Variants in AMOTL2 observed in about 807,000 individuals in gnomAD.
AMOTL2 encodes the protein angiomotin-like protein 2.
A neutral mutation model predicts 78.4 loss-of-function variants in AMOTL2; 33 were observed. The ratio of observed to expected loss-of-function variants is 0.42; its 90% CI spans 0.32 to 0.56. AMOTL2 has a LOEUF of 0.56. Ranked by LOEUF, AMOTL2 falls within the 20% of genes least tolerant of loss-of-function variation. AMOTL2 has a pLI of 0.12. For synonymous variants in AMOTL2, 422 were observed against 428.8 expected, an observed-to-expected ratio of 0.98 and a Z score of 0.20; for missense variants, 983 against 1,030.1, an observed-to-expected ratio of 0.95 and a Z score of 0.63.
Position 134,367,674 on chromosome 3 carries a change from G to A in AMOTL2, c.864C>T (p.Leu288=). The A allele has an allele frequency of 6.2e-7, 1 of 1,613,480 alleles. No homozygotes were observed. The highest frequency in any genetic ancestry group is 8.5e-7 in the Non-Finnish European group (1 of 1,180,032). The change falls in exon 3 of 10, where the codon CTC becomes CTT. Residue 288 remains leucine (L), a synonymous_variant. Transcript: ENST00000249883. ...CTGGCCCCTCCACAGCAGGTGGACT[G>A]AGGGAGCTCAGGGGGCCATGGCCGA... ...AALGHGPLSS[L]SPPAVEGPVS...
rs139202377 is a variant in AMOTL2, at chr3:134,365,818, C to G, written c.1278G>C (p.Gln426His). Residue 426 changes from glutamine (Q) to histidine (H), a missense_variant and splice_region_variant, in exon 5 of 10, where the codon CAG (glutamine) becomes CAC (histidine). By Grantham distance (24) the Gln-to-His change is conservative. Transcript: ENST00000249883. ...CTTCTTAGTGGGGCCCCTACTCACT[C>G]TGAGCAAGCAGCTTGGCCACCATGT... ...SQDMVAKLLAQSYEQQQEQEK... is the reference protein window; with the variant it reads ...SQDMVAKLLAHSYEQQQEQEK... 4,308 of 1,613,896 alleles carry G rather than the reference C, an allele frequency of 2.7e-3. 15 individuals are homozygous for G. The highest frequency in any genetic ancestry group is 3.3e-3 in the Middle Eastern group (20 of 6,060).
Position 134,370,744 on chromosome 3 carries a change from C to G in AMOTL2, c.690G>C (p.Arg230=). 3 of 1,514,856 alleles carry G rather than the reference C, an allele frequency of 2.0e-6. No homozygotes were observed. The highest frequency in any genetic ancestry group is 2.7e-6 in the Non-Finnish European group (3 of 1,131,594). The allele number at this position is 1,514,856 out of a possible 1,614,324, so 93.8% of individuals were successfully genotyped here. A position where few individuals can be genotyped will look rare whatever the true frequency, so the allele number is the denominator to read the frequency against. The part of the protein sequence containing the change: ...HETTTAVTDP[R]YRARGSPHFQ... ...AGTGCGGGCTGCCGCGGGCACGGTACCGTGGGTCAGTGACAGCAGTGGTGG... is the reference window on the plus strand; with the variant it reads ...AGTGCGGGCTGCCGCGGGCACGGTAGCGTGGGTCAGTGACAGCAGTGGTGG... The change falls in exon 2 of 10, where the codon CGG becomes CGC. Residue 230 remains arginine, a synonymous_variant. Transcript: ENST00000249883.
At position 134,358,737 on chromosome 3, in the gene AMOTL2, TG is replaced by T; in HGVS notation, c.2105-19del. On this transcript the variant is annotated intron_variant, in intron 8 of 9. Transcript: ENST00000249883. ...TCTGTCTGCTGGAAAGGTAGGTGGATGGTTATTGCCATGCCTGTAAGATGTG... is the reference window on the plus strand; with the variant it reads ...TCTGTCTGCTGGAAAGGTAGGTGGATGTTATTGCCATGCCTGTAAGATGTG... 6.2e-7 allele frequency: 1 copy of T among 1,613,948 alleles called. No homozygotes were observed. The highest frequency in any genetic ancestry group is 2.2e-5 in the East Asian group (1 of 44,888).
chr3:134,375,269 G>A (rs377240340), upstream of AMOTL2: 43 of 1,533,628 alleles, frequency 2.8e-5, no homozygotes, highest in East Asian at 4.9e-4. Flanking sequence ...CAGAGTGCAA[G>A]GTGTGCCACC....
chr3:134,362,902 G>T (rs2017437669), intron 5 of AMOTL2, among the ~76,000 whole-genome samples: 1 of 152,178 alleles, frequency 6.6e-6, no homozygotes, highest in Non-Finnish European at 1.5e-5. Flanking sequence ...TGAACCTAAA[G>T]GCACTGTCTC....
Position 134,361,740 on chromosome 3 carries a change from C to T in AMOTL2, c.1347G>A (p.Glu449=). ...GCAGCTCGGCACGCCGCCGCTGGTC[C>T]TCGATGGCGCCGCGCAGCAGTGCCA... The part of the protein sequence containing the change: ...REMALLRGAI[E]DQRRRAELLE... Residue 449 remains glutamate, a synonymous_variant, in exon 6 of 10, where the codon GAG becomes GAA. Transcript: ENST00000249883. The T allele has an allele frequency of 6.2e-7, 1 of 1,603,436 alleles. No homozygotes were observed. The highest frequency in any genetic ancestry group is 8.5e-7 in the Non-Finnish European group (1 of 1,174,768).
At chr3:134,367,982 C>A in intron 2 of AMOTL2, 179 bp from the exon 3 acceptor site, 2 of 552,732 alleles carry the variant, frequency 3.6e-6, no homozygotes, top group Non-Finnish European at 6.1e-6. Context: ...TAGGCAGGGA[C>A]CAGTAGGGAA....
chr3:134,361,898 C>T (rs1017224272), intron 5 of AMOTL2, 91 bp from the exon 6 acceptor site: 5 of 1,122,246 alleles, frequency 4.5e-6, no homozygotes, highest in African/African-American at 1.6e-5. Context: ...TGGATGAGCA[C>T]AGTTGCTTCT....
intron 5 of AMOTL2, among the ~76,000 whole-genome samples, chr3:134,365,165 AT>A (rs1432024387): frequency 1.3e-5 from 2 of 151,562 alleles, no homozygotes; most frequent in Admixed American, 6.6e-5. Flanking sequence ...CCTCCCTGCC[AT>A]GGTACCTTCC....
intron 7 of AMOTL2, among the ~76,000 whole-genome samples, 163 bp from the exon 8 acceptor site, chr3:134,359,666 A>G (rs2017258166): frequency 6.6e-6 from 1 of 152,114 alleles, no homozygotes; most frequent in African/African-American, 2.4e-5. Flanking sequence ...AGGGCTTAGA[A>G]ATGGCACCAC....
chr3:134,375,301 C>T (rs2107753178), upstream of AMOTL2: 1 of 1,459,258 alleles, frequency 6.9e-7, no homozygotes, highest in Non-Finnish European at 9.3e-7. Flanking sequence ...GCCCAGTCAT[C>T]CGATTCAGCC....
intron 2 of AMOTL2, among the ~76,000 whole-genome samples, chr3:134,368,674 C>T (rs1242742823): frequency 6.6e-6 from 1 of 152,140 alleles, no homozygotes; most frequent in South Asian, 2.1e-4. Flanking sequence ...GGTGGCCCAT[C>T]CTCCATCTCT....
upstream of AMOTL2, chr3:134,375,056 C>A (rs956184212): frequency 3.4e-6 from 5 of 1,462,782 alleles, no homozygotes; most frequent in Admixed American, 6.9e-5. Flanking sequence ...CCCTAACCCC[C>A]GCTGTTTTCA....
chr3:134,364,275 G>A (rs1197611230), intron 5 of AMOTL2, among the ~76,000 whole-genome samples: 1 of 152,044 alleles, frequency 6.6e-6, no homozygotes, highest in African/African-American at 2.4e-5. Context: ...GTCACCCGCG[G>A]CTGCAAGATT....
Position 134,355,741 on chromosome 3 carries a change from C to T in AMOTL2, c.*1964G>A, listed in dbSNP as rs1396466913. ...GCCACATCCTCATTCCAACTCTATC[C>T]TTAATGCAGCTTCACAAAATTCCTA... On this transcript the variant is annotated 3_prime_UTR_variant, in exon 10 of 10. Transcript: ENST00000249883. 1.3e-5 allele frequency: 2 copies of T among 152,566 alleles called. No homozygotes were observed. Among genetic ancestry groups the T allele is most frequent in the East Asian group, 3.8e-4 (2 of 5,198 alleles). 9.5% of individuals were successfully genotyped at this position (152,566 alleles called of 1,614,324 possible).
At position 134,370,952 on chromosome 3, in the gene AMOTL2, C is replaced by G. The variant is rs201856617; in HGVS notation, c.482G>C (p.Arg161Pro). ...RHGHVRSLSERLLQLSLERNG... is the reference protein window; with the variant it reads ...RHGHVRSLSEPLLQLSLERNG... ...CCTCTCCAGGGACAACTGAAGGAGCCGTTCACTCAACGAGCGCACGTGCCC... is the reference window on the plus strand; with the variant it reads ...CCTCTCCAGGGACAACTGAAGGAGCGGTTCACTCAACGAGCGCACGTGCCC... Residue 161 changes from arginine to proline, a missense_variant, in exon 2 of 10, where the codon CGG becomes CCG. Coordinates refer to ENST00000249883, the MANE Select transcript of AMOTL2 (RefSeq NM_016201.4). 2 of 1,611,164 alleles carry G rather than the reference C, an allele frequency of 1.2e-6. No individual in the cohort carries two copies. Among genetic ancestry groups the G allele is most frequent in the Non-Finnish European group, 1.7e-6 (2 of 1,178,854 alleles).
chr3:134,365,870 G>A lies in AMOTL2; in HGVS notation c.1226C>T (p.Thr409Ile), dbSNP rs201675048. ...CTGACTGCCGGCCTGGGCCTCCTGT[G>A]TCTTGCTTGCCAGGCGGCGATTTGC... is the stretch of plus-strand genomic sequence containing the variant. ...ESANRRLASK[T>I]QEAQAGSQDM... Residue 409 changes from threonine (T) to isoleucine (I), a missense_variant, in exon 5 of 10, where the codon ACA becomes ATA. Thr to Ile is a moderately conservative substitution (Grantham distance 89). Coordinates refer to ENST00000249883, the MANE Select transcript of AMOTL2 (RefSeq NM_016201.4). 6 of 1,614,212 alleles carry A rather than the reference G, an allele frequency of 3.7e-6. No homozygotes were observed. Among genetic ancestry groups the A allele is most frequent in the Non-Finnish European group, 5.1e-6 (6 of 1,180,030 alleles).
intron 5 of AMOTL2, among the ~76,000 whole-genome samples, chr3:134,363,310 G>C (rs572969429): frequency 8.6e-4 from 127 of 148,190 alleles, no homozygotes; most frequent in African/African-American, 3.1e-3. Context: ...GAAAATACGA[G>C]GAAGTCCAAT....
At position 134,357,775 on chromosome 3, in the gene AMOTL2, C is replaced by A. The variant is rs1305311064; in HGVS notation, c.2285-12G>T. On this transcript the variant is annotated splice_polypyrimidine_tract_variant and intron_variant, in intron 9 of 9. Transcript: ENST00000249883. ...TGTAGCTACAGAGTCTGGAGACAGA[C>A]AAGAACACAGGCACATGCCAATGAG... The A allele has an allele frequency of 1.9e-6, 3 of 1,613,736 alleles. No homozygotes were observed. Among genetic ancestry groups the A allele is most frequent in the Non-Finnish European group, 2.5e-6 (3 of 1,179,702 alleles).
Sources: gnomAD v4.1 joint callset for allele counts (sites outside exome capture counted in the v4.1 genomes callset) on GRCh38, gnomAD v4.1.1 for gene constraint, MANE v1.5 for transcripts, NCBI Gene and HGNC (gene_info 2026-07-23, HGNC 2026-07-21) for gene names.